Variants in PPP2R2A observed in about 807,000 individuals in gnomAD.
PPP2R2A encodes serine/threonine-protein phosphatase 2A 55 kDa regulatory subunit B alpha isoform.
In PPP2R2A, 9 loss-of-function variants were observed where a neutral mutation model predicts 53.2. That is an observed-to-expected ratio of 0.17 (90% confidence interval 0.10 to 0.30). PPP2R2A has a LOEUF of 0.30. Ranked by LOEUF, PPP2R2A falls within the 10% of genes least tolerant of loss-of-function variation. The probability of loss-of-function intolerance (pLI) is 1.00; values close to 1 mark genes in which losing one functional copy is unlikely to be tolerated. For missense variants in PPP2R2A, 235 were observed against 534.6 expected, an observed-to-expected ratio of 0.44 and a Z score of 5.53; for synonymous variants, 169 against 174.2, an observed-to-expected ratio of 0.97 and a Z score of 0.23.
At chr8:26,333,121 A>G (rs1449240578) in intron 2 of PPP2R2A, among the ~76,000 whole-genome samples, 1 of 152,228 alleles carries the variant, frequency 6.6e-6, no homozygotes, top group African/African-American at 2.4e-5. Flanking sequence ...TTAGTTTGAT[A>G]TGACTTTGTG....
chr8:26,293,514 A>C (rs1801402912), intron 1 of PPP2R2A, 152 bp from the exon 2 acceptor site: 11 of 752,298 alleles, frequency 1.5e-5, no homozygotes, highest in Non-Finnish European at 2.3e-5. Flanking sequence ...ATTGGGGACT[A>C]ACCTCTTTCC....
intron 9 of PPP2R2A, among the ~76,000 whole-genome samples, chr8:26,366,640 T>G (rs1211848696): frequency 6.6e-6 from 1 of 152,202 alleles, no homozygotes; most frequent in East Asian, 1.9e-4. Context: ...TTTTTTTCTT[T>G]TATGAACCAG....
At position 26,321,267 on chromosome 8, in the gene PPP2R2A, G is replaced by A. The variant is rs1802824223; in HGVS notation, c.83-17623G>A. Among the ~76,000 whole-genome samples, 1 of 152,122 alleles carries A rather than the reference G, an allele frequency of 6.6e-6. No homozygotes were observed. Among genetic ancestry groups the A allele is most frequent in the Non-Finnish European group, 1.5e-5 (1 of 68,024 alleles). On this transcript the variant is annotated intron_variant, in intron 2 of 9. Transcript: ENST00000380737. This position sits in a 1 kb window ranked among gnomAD's most constrained non-coding sequence, Gnocchi z 4.1. Reference sequence around the variant, plus strand: ...TTCATGTATTCTGTACTTTGAAACTGGGATTGAAAACTAAATGGCTCTTAC... The same window carrying A: ...TTCATGTATTCTGTACTTTGAAACTAGGATTGAAAACTAAATGGCTCTTAC...
rs1275204546 is a variant in PPP2R2A, at chr8:26,291,567, C to T, written c.-253C>T. 12 of 538,714 alleles carry T rather than the reference C, an allele frequency of 2.2e-5. 1 individual carries two copies. The highest frequency in any genetic ancestry group is 1.1e-4 in the Admixed American group (3 of 27,110). The allele number at this position is 538,714 out of a possible 1,614,324, so 33.4% of individuals were successfully genotyped here. On this transcript the variant is annotated 5_prime_UTR_variant, in exon 1 of 10. Coordinates refer to ENST00000380737, the MANE Select transcript of PPP2R2A (RefSeq NM_002717.4). ...CTGCCCCTGCCGCTGCCGCCGCCGC[C>T]GTCGCTGTCGTAGTCGCCGCCGCCG...
intron 2 of PPP2R2A, among the ~76,000 whole-genome samples, chr8:26,313,988 A>G (rs1456786095): frequency 6.6e-6 from 1 of 152,220 alleles, no homozygotes; most frequent in African/African-American, 2.4e-5. Flanking sequence ...GGGCTGTATA[A>G]TAAATTCTGA....
intron 6 of PPP2R2A, among the ~76,000 whole-genome samples, chr8:26,361,496 T>G (rs762506496): frequency 6.6e-6 from 1 of 152,092 alleles, no homozygotes; most frequent in Non-Finnish European, 1.5e-5. Flanking sequence ...ATCCCAGCGG[T>G]TTGGGAGGCT....
At chr8:26,332,696 T>G (rs13271042) in intron 2 of PPP2R2A, among the ~76,000 whole-genome samples, 113,831 of 152,114 alleles carry the variant, frequency 0.75, 43,022 homozygotes, top group East Asian at 0.88. Context: ...TGTAGCAGAT[T>G]CTGAATAAAT....
At chr8:26,310,692 G>T (rs1802251978) in intron 2 of PPP2R2A, among the ~76,000 whole-genome samples, 1 of 149,004 alleles carries the variant, frequency 6.7e-6, no homozygotes, top group African/African-American at 2.5e-5. Context: ...AATGGCTTAT[G>T]GTATTTATTG....
At chr8:26,320,015 C>G (rs1272388732) in intron 2 of PPP2R2A, among the ~76,000 whole-genome samples, 2 of 152,184 alleles carry the variant, frequency 1.3e-5, no homozygotes, top group South Asian at 2.1e-4. Flanking sequence ...TGTCCTGTAT[C>G]TTTGCCAAGG....
intron 9 of PPP2R2A, among the ~76,000 whole-genome samples, chr8:26,367,305 G>C (rs1271614076): frequency 6.6e-6 from 1 of 151,884 alleles, no homozygotes; most frequent in Non-Finnish European, 1.5e-5. Flanking sequence ...AGAAGGAAAG[G>C]GAAGAAGAAA....
At chr8:26,302,784 T>A (rs749017859) in intron 2 of PPP2R2A, among the ~76,000 whole-genome samples, 63 of 152,326 alleles carry the variant, frequency 4.1e-4, no homozygotes, top group Non-Finnish European at 4.7e-4. Flanking sequence ...TTAAAGAGAT[T>A]TGCAGCAGTG....
intron 4 of PPP2R2A, among the ~76,000 whole-genome samples, chr8:26,357,294 C>G (rs1391593952): frequency 2.1e-5 from 3 of 143,990 alleles, no homozygotes; most frequent in Non-Finnish European, 3.0e-5. Context: ...CCCCCCCCCC[C>G]CAATATAATG....
chr8:26,370,883 C>T lies in PPP2R2A; in HGVS notation c.*470C>T, dbSNP rs1805638695. The T allele has an allele frequency of 6.1e-6, 1 of 164,056 alleles. No homozygotes were observed. The highest frequency in any genetic ancestry group is 2.4e-5 in the African/African-American group (1 of 41,518). 10.2% of individuals were successfully genotyped at this position (164,056 alleles called of 1,614,324 possible). The stretch of plus-strand genomic sequence containing the variant: ...TGTGGCTTGTAGCATTCCTCCTCTT[C>T]TGGCCTCCTGGACTGCTCCCCTTCA... On this transcript the variant is annotated 3_prime_UTR_variant, in exon 10 of 10. Coordinates refer to ENST00000380737, the MANE Select transcript of PPP2R2A (RefSeq NM_002717.4). This position sits in a 1 kb window ranked among gnomAD's most constrained non-coding sequence, Gnocchi z 6.1.
chr8:26,355,646 C>T (rs371606205), intron 4 of PPP2R2A, among the ~76,000 whole-genome samples: 13 of 151,964 alleles, frequency 8.6e-5, no homozygotes, highest in South Asian at 2.1e-4. Flanking sequence ...GGGTGGATCA[C>T]GAGGTCAGGA....
chr8:26,319,990 T>G (rs1802753246), intron 2 of PPP2R2A, among the ~76,000 whole-genome samples: 1 of 152,130 alleles, frequency 6.6e-6, no homozygotes. Flanking sequence ...AACAACTGAT[T>G]TTTGTGTGAT....
At chr8:26,353,942 T>A (rs1056656027) in intron 3 of PPP2R2A, among the ~76,000 whole-genome samples, 3 of 152,078 alleles carry the variant, frequency 2.0e-5, no homozygotes, top group Non-Finnish European at 4.4e-5. Flanking sequence ...TCCCTTCTTT[T>A]ATAAGAGCTC....
chr8:26,311,102 G>C (rs1486087752), intron 2 of PPP2R2A, among the ~76,000 whole-genome samples: 1 of 152,078 alleles, frequency 6.6e-6, no homozygotes, highest in Non-Finnish European at 1.5e-5. Context: ...ACAAACATTT[G>C]AGAATTGCTG....
chr8:26,328,838 G>T (rs1803224399), intron 2 of PPP2R2A, among the ~76,000 whole-genome samples: 1 of 152,126 alleles, frequency 6.6e-6, no homozygotes, highest in African/African-American at 2.4e-5. Context: ...TGAGATTAAG[G>T]AATGAAGTTA....
chr8:26,368,236 A>G (rs748621951), intron 9 of PPP2R2A, among the ~76,000 whole-genome samples: 35 of 152,362 alleles, frequency 2.3e-4, no homozygotes, highest in Non-Finnish European at 4.9e-4. Context: ...GTTGTTGCCA[A>G]GTGTCCTTTG....
Sources: allele counts gnomAD v4.1 joint callset (sites outside exome capture counted in the v4.1 genomes callset), GRCh38; gene constraint gnomAD v4.1.1; non-coding constraint Gnocchi (gnomAD v3.1); transcripts MANE v1.5; gene names NCBI Gene and HGNC (gene_info 2026-07-23, HGNC 2026-07-21).